The following TOX variants were observed in gnomAD, a reference collection of about 807,000 sequenced individuals.
TOX encodes thymocyte selection associated high mobility group box.
Under a neutral mutation model 53.7 loss-of-function variants are expected in TOX, and 11 were observed. The observed-to-expected ratio is 0.20, with a 90% CI of 0.13 to 0.34. The LOEUF (loss-of-function observed/expected upper bound fraction) is 0.34, where lower values mean the gene tolerates loss of function less well. Ranked by LOEUF, TOX falls within the 10% of genes least tolerant of loss-of-function variation. The pLI is 1.00. For missense variants in TOX, 570 were observed against 664.6 expected (o/e 0.86, Z 1.56); for synonymous variants, 225 against 245.3 (o/e 0.92, Z 0.77).
At chr8:58,922,240 A>G (rs1461627193) in intron 3 of TOX, among the ~76,000 whole-genome samples, 1 of 152,184 alleles carries the variant, frequency 6.6e-6, no homozygotes, top group Non-Finnish European at 1.5e-5. Flanking sequence ...TGCTTTATGA[A>G]TTTTACAGCT....
intron 3 of TOX, among the ~76,000 whole-genome samples, chr8:58,853,856 C>T (rs1810866539): frequency 6.6e-6 from 1 of 152,100 alleles, no homozygotes; most frequent in African/African-American, 2.4e-5. Context: ...AAAGTTGTGC[C>T]AAGGACAGAG....
At chr8:58,833,017 G>A (rs1294007392) in intron 5 of TOX, among the ~76,000 whole-genome samples, 1 of 152,102 alleles carries the variant, frequency 6.6e-6, no homozygotes, top group African/African-American at 2.4e-5. Flanking sequence ...CCTCTTCCAC[G>A]ACAGGGCTAG....
intron 5 of TOX, among the ~76,000 whole-genome samples, chr8:58,831,649 C>T (rs1365906681): frequency 6.6e-6 from 1 of 152,144 alleles, no homozygotes; most frequent in Non-Finnish European, 1.5e-5. Flanking sequence ...ATGAGAACTC[C>T]TTTTGATTCT....
At chr8:59,076,644 A>C (rs562298984) in intron 1 of TOX, among the ~76,000 whole-genome samples, 2 of 152,240 alleles carry the variant, frequency 1.3e-5, no homozygotes, top group East Asian at 3.9e-4. Context: ...TGCTAATTTT[A>C]TGCTCCTAAT....
chr8:58,960,122 A>C (rs1200586451), intron 1 of TOX, 114 bp from the exon 2 acceptor site: 2 of 1,126,706 alleles, frequency 1.8e-6, no homozygotes, highest in Non-Finnish European at 2.6e-6. Flanking sequence ...GCCATAAAAA[A>C]TACTGCGGCT....
intron 1 of TOX, among the ~76,000 whole-genome samples, chr8:59,071,405 C>T (rs1212474602): frequency 3.9e-5 from 6 of 152,226 alleles, no homozygotes; most frequent in African/African-American, 1.2e-4. Flanking sequence ...TCACTGGACA[C>T]TAGTCCTCCA....
At chr8:59,077,216 G>A (rs1804308099) in intron 1 of TOX, among the ~76,000 whole-genome samples, 1 of 152,160 alleles carries the variant, frequency 6.6e-6, no homozygotes, top group South Asian at 2.1e-4. Context: ...TGTTTCCCCT[G>A]TAAGTTAAAG....
chr8:58,812,765 T>C (rs1355998160), intron 7 of TOX, among the ~76,000 whole-genome samples: 1 of 152,234 alleles, frequency 6.6e-6, no homozygotes, highest in Non-Finnish European at 1.5e-5. Context: ...GCCTAGATAG[T>C]GCCTACCACA....
At chr8:58,965,381 A>T (rs1234785400) in intron 1 of TOX, among the ~76,000 whole-genome samples, 1 of 152,222 alleles carries the variant, frequency 6.6e-6, no homozygotes, top group Non-Finnish European at 1.5e-5. Context: ...CCATAATCCC[A>T]AAGAGCTTTC....
intron 1 of TOX, among the ~76,000 whole-genome samples, chr8:59,009,095 C>G (rs183375233): frequency 2.0e-5 from 3 of 151,436 alleles, no homozygotes; most frequent in Admixed American, 6.6e-5. Context: ...CTCTTCCTCC[C>G]TCCCTTTCTT....
rs67045037 is a variant in TOX, at chr8:58,965,894, G to GTTTTTTTTTTTTT, written c.103-5899_103-5887dup. Among the ~76,000 whole-genome samples the GTTTTTTTTTTTTT allele has an allele frequency of 6.0e-5, 3 of 49,616 alleles. 1 individual carries two copies. The highest frequency in any genetic ancestry group is 1.5e-4 in the African/African-American group (2 of 13,030). 32.6% of individuals were successfully genotyped at this position (49,616 alleles called of 152,430 possible). ...GCCCAGTATAAGATTACGAGTCATC[G>GTTTTTTTTTTTTT]TTTTTTTTTTTTTTTTTTTTTTTTT... On this transcript the variant is annotated intron_variant, in intron 1 of 8. Coordinates refer to ENST00000361421, the MANE Select transcript of TOX (RefSeq NM_014729.3).
chr8:59,102,222 G>A (rs753918657), intron 1 of TOX, among the ~76,000 whole-genome samples: 4 of 150,476 alleles, frequency 2.7e-5, no homozygotes, highest in Admixed American at 6.6e-5. Flanking sequence ...AAAAACTCCC[G>A]TTTTGTGTTT....
chr8:59,030,881 A>G (rs936942171), intron 1 of TOX, among the ~76,000 whole-genome samples: 2 of 152,220 alleles, frequency 1.3e-5, no homozygotes, highest in Non-Finnish European at 2.9e-5. Context: ...TTCTATCCAC[A>G]TACTGAGTCA....
intron 1 of TOX, among the ~76,000 whole-genome samples, chr8:58,980,127 G>C (rs1813174619): frequency 6.6e-6 from 1 of 152,184 alleles, no homozygotes; most frequent in African/African-American, 2.4e-5. Flanking sequence ...TAATACAGCT[G>C]TTACATTTTA....
rs376873724 is a variant in TOX, at chr8:58,807,009, A to G, written c.*738T>C. ...AATGACATTTACTAACCATTACACA[A>G]AAAGTGATACAAAAAAGCAATTTTT... On this transcript the variant is annotated 3_prime_UTR_variant, in exon 9 of 9. Coordinates refer to ENST00000361421, the MANE Select transcript of TOX (RefSeq NM_014729.3). 1 of 152,784 alleles carries G rather than the reference A, an allele frequency of 6.5e-6. No individual in the cohort carries two copies. Among genetic ancestry groups the G allele is most frequent in the East Asian group, 1.9e-4 (1 of 5,192 alleles). The allele number at this position is 152,784 out of a possible 1,614,324, so 9.5% of individuals were successfully genotyped here.
At chr8:58,929,222 A>G (rs1195859088) in intron 3 of TOX, among the ~76,000 whole-genome samples, 1 of 152,100 alleles carries the variant, frequency 6.6e-6, no homozygotes, top group Non-Finnish European at 1.5e-5. Context: ...TATTAGTTGA[A>G]AGAAAAAAAG....
At chr8:58,886,932 T>A (rs998151752) in intron 3 of TOX, among the ~76,000 whole-genome samples, 1 of 151,938 alleles carries the variant, frequency 6.6e-6, no homozygotes, top group African/African-American at 2.4e-5. Flanking sequence ...TATTTTACTA[T>A]GAGAATTATC....
intron 1 of TOX, among the ~76,000 whole-genome samples, chr8:59,011,856 T>G (rs1413864303): frequency 6.6e-6 from 1 of 152,156 alleles, no homozygotes; most frequent in Non-Finnish European, 1.5e-5. Flanking sequence ...TGCTTTTTCT[T>G]GCAAACCACT....
Position 59,115,384 on chromosome 8 carries a change from C to T in TOX, c.102+3502G>A, listed in dbSNP as rs537008786. On this transcript the variant is annotated intron_variant, in intron 1 of 8. Coordinates refer to ENST00000361421, the MANE Select transcript of TOX (RefSeq NM_014729.3). ...CAGTGAAAACAATCTTTGGAAATGA[C>T]GCTGCACTAAGAAACTGAAAAGAAC... is the stretch of plus-strand genomic sequence containing the variant. Among the ~76,000 whole-genome samples, 18 of 152,256 alleles carry T rather than the reference C, an allele frequency of 1.2e-4. No individual in the cohort carries two copies. The South Asian group carries it at 2.1e-3, about 18-fold the overall frequency.
Sources: gnomAD v4.1 joint callset for allele counts (sites outside exome capture counted in the v4.1 genomes callset) on GRCh38, gnomAD v4.1.1 for gene constraint, MANE v1.5 for transcripts, NCBI Gene and HGNC (gene_info 2026-07-23, HGNC 2026-07-21) for gene names.